PPP6C: variants seen among roughly 807,000 people sequenced by gnomAD.
The protein encoded by PPP6C is serine/threonine-protein phosphatase 6 catalytic subunit.
Under a neutral mutation model 39.8 loss-of-function variants are expected in PPP6C, and 11 were observed. The ratio of observed to expected loss-of-function variants is 0.28; its 90% confidence interval spans 0.17 to 0.46. PPP6C has a LOEUF of 0.46. PPP6C is among the 20% of genes least tolerant of loss of function. The pLI, the probability that PPP6C is intolerant of heterozygous loss-of-function variation, is 1.00. For missense variants in PPP6C, 211 were observed against 373.9 expected, an observed-to-expected ratio of 0.56 and a Z score of 3.59; for synonymous variants, 129 against 130.3, an observed-to-expected ratio of 0.99 and a Z score of 0.07.
At chr9:125,159,345 G>A (rs946788145) in intron 3 of PPP6C, among the ~76,000 whole-genome samples, 14 of 150,808 alleles carry the variant, frequency 9.3e-5, no homozygotes, top group African/African-American at 2.9e-4. Context: ...CACTGCGCCC[G>A]GCCAAGTAAT....
At chr9:125,181,044 T>C (rs993440556) in intron 1 of PPP6C, among the ~76,000 whole-genome samples, 1 of 152,188 alleles carries the variant, frequency 6.6e-6, no homozygotes, top group African/African-American at 2.4e-5. Flanking sequence ...GAGCTATGTC[T>C]CTAAGCCAAA....
At position 125,150,855 on chromosome 9, in the gene PPP6C, C is replaced by G. The variant is rs146714088; in HGVS notation, c.670-934G>C. On this transcript the variant is annotated intron_variant, in intron 6 of 6. Coordinates refer to ENST00000373547, the MANE Select transcript of PPP6C (RefSeq NM_002721.5). ...CAAAATCAATGACAATTTAATGGTGCCTTTGATCATGACTAATACCTGCAA... is the reference window on the plus strand; with the variant it reads ...CAAAATCAATGACAATTTAATGGTGGCTTTGATCATGACTAATACCTGCAA... 5.5e-5 allele frequency: 43 copies of G among 786,826 alleles called. No homozygotes were observed. In the East Asian group the frequency reaches 8.9e-4, roughly 16 times the overall value. The allele number at this position is 786,826 out of a possible 1,614,324, so 48.7% of individuals were successfully genotyped here. A position where few individuals can be genotyped will look rare whatever the true frequency, so the allele number is the denominator to read the frequency against.
At chr9:125,165,120 CATTT>C (rs1828984271) in intron 2 of PPP6C, among the ~76,000 whole-genome samples, 1 of 152,002 alleles carries the variant, frequency 6.6e-6, no homozygotes, top group Non-Finnish European at 1.5e-5. Context: ...TTTCAGGATT[CATTT>C]GTGATCTTAA....
At chr9:125,151,466 G>T in intron 6 of PPP6C, 1 of 798,116 alleles carries the variant, frequency 1.3e-6, no homozygotes, top group Non-Finnish European at 2.3e-6. Context: ...CATACCCCAG[G>T]AGGACAAGAT....
chr9:125,167,562 G>T (rs868023817), intron 2 of PPP6C, among the ~76,000 whole-genome samples: 2 of 151,554 alleles, frequency 1.3e-5, no homozygotes, highest in Admixed American at 6.6e-5. Context: ...AGTTAGTCAG[G>T]CGTGGTGGCA....
intron 2 of PPP6C, among the ~76,000 whole-genome samples, chr9:125,162,135 T>G (rs917358372): frequency 2.4e-4 from 36 of 151,102 alleles, no homozygotes; most frequent in Non-Finnish European, 3.4e-4. Context: ...AAAATGTATC[T>G]GAAAATTAGC....
At chr9:125,166,920 G>T (rs1422368930) in intron 2 of PPP6C, among the ~76,000 whole-genome samples, 1 of 149,694 alleles carries the variant, frequency 6.7e-6, no homozygotes, top group African/African-American at 2.5e-5. Context: ...TTTCTTTTTA[G>T]ATGGGGTCTC....
intron 1 of PPP6C, among the ~76,000 whole-genome samples, chr9:125,181,715 G>A (rs1269909591): frequency 6.6e-6 from 1 of 152,158 alleles, no homozygotes; most frequent in Non-Finnish European, 1.5e-5. Flanking sequence ...ATGGGCATTT[G>A]AGCTAGTTCC....
At chr9:125,167,774 C>G (rs1262549135) in intron 2 of PPP6C, among the ~76,000 whole-genome samples, 2 of 138,962 alleles carry the variant, frequency 1.4e-5, no homozygotes, top group Non-Finnish European at 3.0e-5. Context: ...CGCCTGTAAT[C>G]CCAGCACTCT....
At chr9:125,171,902 C>T in intron 1 of PPP6C, 1 of 464,332 alleles carries the variant, frequency 2.2e-6, no homozygotes. Context: ...GCAAACCACA[C>T]ACTTACCATT....
At chr9:125,170,427 C>T (rs746275427) in intron 2 of PPP6C, among the ~76,000 whole-genome samples, 23 of 151,862 alleles carry the variant, frequency 1.5e-4, no homozygotes, top group Non-Finnish European at 2.4e-4. Context: ...TCAGTAGAGA[C>T]GGGGTTTCAC....
At chr9:125,160,193 T>A (rs986897971) in intron 3 of PPP6C, among the ~76,000 whole-genome samples, 3 of 152,166 alleles carry the variant, frequency 2.0e-5, no homozygotes, top group African/African-American at 4.8e-5. Flanking sequence ...TAAAAATGAA[T>A]GCTCGAAAAG....
chr9:125,184,355 TC>T (rs1171296402), intron 1 of PPP6C, among the ~76,000 whole-genome samples: 3 of 151,478 alleles, frequency 2.0e-5, no homozygotes, highest in Non-Finnish European at 2.9e-5. Context: ...GCCATTACAC[TC>T]CAGCCTGGTG....
chr9:125,150,446 T>G (rs926004854), intron 6 of PPP6C, among the ~76,000 whole-genome samples: 4 of 101,092 alleles, frequency 4.0e-5, no homozygotes, highest in African/African-American at 1.3e-4. Flanking sequence ...GTGTGTGTGT[T>G]TTAATTGAAA....
In PPP6C at chr9:125,167,385, AAAAAAAAAAAAAAAGAAAT is replaced by A. The variant is rs1263586919; in HGVS notation, c.171+3681_171+3699del. On this transcript the variant is annotated intron_variant, in intron 2 of 6. Transcript: ENST00000373547. Reference sequence around the variant, plus strand: ...GACAGAGCGAGACCCTGTCCAAAAAAAAAAAAAAAAAAAAGAAATAAAAAAAAGGCCGGGCATGGTGACT... The same window carrying A: ...GACAGAGCGAGACCCTGTCCAAAAAAAAAAAAAAGGCCGGGCATGGTGACT... 6.1e-5 allele frequency among the ~76,000 whole-genome samples: 8 copies of A among 131,934 alleles called. No individual in the cohort carries two copies. The East Asian group carries it at 1.7e-3, about 28-fold the overall frequency. 86.6% of individuals were successfully genotyped at this position (131,934 alleles called of 152,430 possible). A position where few individuals can be genotyped will look rare whatever the true frequency, so the allele number is the denominator to read the frequency against.
rs1410608965 is a variant in PPP6C, at chr9:125,160,831, G to A, written c.237+10C>T. On this transcript the variant is annotated intron_variant, in intron 3 of 6. Transcript: ENST00000373547. Reference sequence around the variant, plus strand: ...TAAACAAGCACTTGATATCACTGGTGTTTACATACCATAAATATGTAGTTT... The same window carrying A: ...TAAACAAGCACTTGATATCACTGGTATTTACATACCATAAATATGTAGTTT... 24 of 1,550,702 alleles carry A rather than the reference G, an allele frequency of 1.5e-5. No homozygotes were observed. The highest frequency in any genetic ancestry group is 2.0e-5 in the Admixed American group (1 of 50,936).
At chr9:125,170,799 TTA>T (rs112299632) in intron 2 of PPP6C, among the ~76,000 whole-genome samples, 70 of 152,304 alleles carry the variant, frequency 4.6e-4, no homozygotes, top group African/African-American at 1.6e-3. Context: ...TGTTTGTACT[TTA>T]TATCTTCTAC....
chr9:125,173,682 A>G (rs1414245212), intron 1 of PPP6C, among the ~76,000 whole-genome samples: 4 of 151,970 alleles, frequency 2.6e-5, no homozygotes, highest in Non-Finnish European at 4.4e-5. Flanking sequence ...CAGTGGCGCA[A>G]TCTCAGCTCA....
chr9:125,147,059 T>C lies in PPP6C; in HGVS notation c.*2614A>G, dbSNP rs1835828239. 1 of 152,232 alleles carries C rather than the reference T, an allele frequency of 6.6e-6. No individual in the cohort carries two copies. The highest frequency in any genetic ancestry group is 2.1e-4 in the South Asian group (1 of 4,834). The allele number at this position is 152,232 out of a possible 1,614,324, so 9.4% of individuals were successfully genotyped here. ...GACATCCAGACAGAATAGGAGCTGA[T>C]GCAGATTGCATATGAGATGTACTGT... is the stretch of plus-strand genomic sequence containing the variant. On this transcript the variant is annotated 3_prime_UTR_variant, in exon 7 of 7. Transcript: ENST00000373547.
Sources: gnomAD v4.1 joint callset for allele counts (sites outside exome capture counted in the v4.1 genomes callset) on GRCh38, gnomAD v4.1.1 for gene constraint, MANE v1.5 for transcripts, NCBI Gene and HGNC (gene_info 2026-07-23, HGNC 2026-07-21) for gene names.